CADPS2: variants seen among roughly 807,000 people sequenced by gnomAD.
CADPS2 encodes the protein calcium dependent secretion activator 2.
CADPS2 carries 93 observed loss-of-function variants against 172.5 expected under a neutral mutation model. The ratio of observed to expected loss-of-function variants is 0.54; its 90% confidence interval spans 0.46 to 0.64. CADPS2 has a LOEUF of 0.64. Among genes scored for constraint, CADPS2 ranks in the 30% least tolerant of loss-of-function variants. The pLI, the probability that CADPS2 is intolerant of heterozygous loss-of-function variation, is 0.00. For missense variants in CADPS2, 1,420 were observed against 1,565.9 expected (o/e 0.91, Z 1.57); for synonymous variants, 546 against 555.2 (o/e 0.98, Z 0.23).
At chr7:122,832,872 TG>T (rs1807022260) in intron 1 of CADPS2, among the ~76,000 whole-genome samples, 1 of 152,214 alleles carries the variant, frequency 6.6e-6, no homozygotes, top group Non-Finnish European at 1.5e-5. Flanking sequence ...GAGAGACTGC[TG>T]GCTTTTTTTT....
chr7:122,320,314 G>A lies in CADPS2; in HGVS notation c.3742C>T (p.Gln1248Ter). 3.1e-6 allele frequency: 5 copies of A among 1,600,520 alleles called. No individual in the cohort carries two copies. Among genetic ancestry groups the A allele is most frequent in the Non-Finnish European group, 4.3e-6 (5 of 1,173,884 alleles). Reference protein sequence around the residue: ...VKKTYRDFRLQGVLEGTLNSK... With the variant: ...VKKTYRDFRL ...TTCAGTGTTCCTTCCAACACACCCTGCAATCGAAAGTCCCTGTAGGTTTTC... is the reference window on the plus strand; with the variant it reads ...TTCAGTGTTCCTTCCAACACACCCTACAATCGAAAGTCCCTGTAGGTTTTC... Residue 1248 changes from glutamine (Q) to a stop codon, truncating the protein, a stop_gained, in exon 30 of 30, where the codon CAG becomes TAG. Transcript: ENST00000449022. LOFTEE classifies it high-confidence loss of function.
chr7:122,532,260 T>C (rs181216509), intron 8 of CADPS2, among the ~76,000 whole-genome samples: 53 of 152,270 alleles, frequency 3.5e-4, no homozygotes, highest in Non-Finnish European at 5.4e-4. Flanking sequence ...ATGGACACAG[T>C]TGCACAATCA....
At chr7:122,342,102 T>G (rs941243676) in intron 28 of CADPS2, among the ~76,000 whole-genome samples, 1 of 152,162 alleles carries the variant, frequency 6.6e-6, no homozygotes, top group African/African-American at 2.4e-5. Flanking sequence ...TGTAAAAAAA[T>G]TAAAGATTAT....
intron 15 of CADPS2, among the ~76,000 whole-genome samples, chr7:122,447,759 G>T (rs552738494): frequency 6.6e-6 from 1 of 151,394 alleles, no homozygotes; most frequent in African/African-American, 2.4e-5. Context: ...TACCATGTTG[G>T]CCAGGCTGGT....
At chr7:122,798,609 AT>A (rs1796911357) in intron 1 of CADPS2, among the ~76,000 whole-genome samples, 1 of 152,176 alleles carries the variant, frequency 6.6e-6, no homozygotes, top group Non-Finnish European at 1.5e-5. Context: ...AAAAGTCTCA[AT>A]GAGGGCCCCT....
chr7:122,378,122 T>C (rs1044762986), intron 25 of CADPS2, among the ~76,000 whole-genome samples: 1 of 152,188 alleles, frequency 6.6e-6, no homozygotes, highest in African/African-American at 2.4e-5. Context: ...TTATCATTAA[T>C]AGTCTTTGAA....
At chr7:122,395,812 CTT>C (rs1293194209) in intron 20 of CADPS2, among the ~76,000 whole-genome samples, 23 of 139,910 alleles carry the variant, frequency 1.6e-4, no homozygotes, top group Admixed American at 3.6e-4. Flanking sequence ...TTTTTTTTTT[CTT>C]TTTTTTTTTT....
intron 11 of CADPS2, among the ~76,000 whole-genome samples, chr7:122,487,664 G>GA (rs1349456517): frequency 6.6e-6 from 1 of 152,108 alleles, no homozygotes; most frequent in Non-Finnish European, 1.5e-5. Context: ...GAGCTCTATG[G>GA]AAAATTATTA....
chr7:122,856,485 C>A (rs954671623), intron 1 of CADPS2, among the ~76,000 whole-genome samples: 1 of 152,114 alleles, frequency 6.6e-6, no homozygotes, highest in Non-Finnish European at 1.5e-5. Context: ...TAGTTCCCTA[C>A]ACTACTAAAA....
intron 7 of CADPS2, among the ~76,000 whole-genome samples, chr7:122,560,686 A>G (rs1008747456): frequency 6.6e-6 from 1 of 152,204 alleles, no homozygotes; most frequent in African/African-American, 2.4e-5. Flanking sequence ...AGATAAGTAG[A>G]GCCTATCTCT....
rs187795159 is a variant in CADPS2, at chr7:122,558,246, A to C, written c.1336-3557T>G. 2.6e-5 allele frequency among the ~76,000 whole-genome samples: 4 copies of C among 152,258 alleles called. No homozygotes were observed. The East Asian group carries it at 7.7e-4, about 29-fold the overall frequency. On this transcript the variant is annotated intron_variant, in intron 7 of 29. Transcript: ENST00000449022. ...GTTCCACTTCAATAGGACTCAGTTC[A>C]TGTTTAGAGATTGTGTCTGATGTTG...
At chr7:122,818,068 TG>T (rs1802052109) in intron 1 of CADPS2, among the ~76,000 whole-genome samples, 1 of 150,156 alleles carries the variant, frequency 6.7e-6, no homozygotes, top group Non-Finnish European at 1.5e-5. Context: ...CTCTTATCTC[TG>T]CACCCCAACC....
chr7:122,448,715 C>T (rs1432828784), intron 15 of CADPS2, among the ~76,000 whole-genome samples: 3 of 152,056 alleles, frequency 2.0e-5, no homozygotes, highest in African/African-American at 4.8e-5. Context: ...TGAGGCATCC[C>T]GTGCACAGAA....
At chr7:122,606,645 C>A (rs1287989205) in intron 6 of CADPS2, among the ~76,000 whole-genome samples, 1 of 151,800 alleles carries the variant, frequency 6.6e-6, no homozygotes, top group Non-Finnish European at 1.5e-5. Context: ...AGTCTGAGAC[C>A]GACTGAGAGG....
chr7:122,785,953 A>G (rs1045357661), intron 1 of CADPS2, among the ~76,000 whole-genome samples: 2 of 152,198 alleles, frequency 1.3e-5, no homozygotes, highest in African/African-American at 4.8e-5. Flanking sequence ...TGTGGTTCTA[A>G]AAGAAGAAAT....
intron 8 of CADPS2, among the ~76,000 whole-genome samples, chr7:122,518,331 T>G (rs1414832725): frequency 6.6e-6 from 1 of 152,052 alleles, no homozygotes; most frequent in Non-Finnish European, 1.5e-5. Context: ...CATAATGCTG[T>G]AAAAGGAAAA....
intron 7 of CADPS2, among the ~76,000 whole-genome samples, chr7:122,567,862 A>G (rs1019667680): frequency 1.3e-5 from 2 of 152,152 alleles, no homozygotes; most frequent in African/African-American, 4.8e-5. Flanking sequence ...CAACCTAAAA[A>G]AAGCAGAAGA....
At chr7:122,659,710 G>A (rs1302724768) in intron 3 of CADPS2, among the ~76,000 whole-genome samples, 7 of 151,986 alleles carry the variant, frequency 4.6e-5, no homozygotes, top group Admixed American at 3.3e-4. Flanking sequence ...CAGCATATTC[G>A]AATTGCAGAA....
chr7:122,458,226 T>G (rs952248145), intron 14 of CADPS2, among the ~76,000 whole-genome samples: 4 of 152,218 alleles, frequency 2.6e-5, no homozygotes, highest in African/African-American at 9.6e-5. Flanking sequence ...AAAGTCACTT[T>G]GCACTTCGTG....
Sources: allele counts gnomAD v4.1 joint callset (sites outside exome capture counted in the v4.1 genomes callset), GRCh38; gene constraint gnomAD v4.1.1; transcripts MANE v1.5; gene names NCBI Gene and HGNC (gene_info 2026-07-23, HGNC 2026-07-21).